Variants in FCF1 observed in about 807,000 individuals in gnomAD.
The protein encoded by FCF1 is rRNA-processing protein FCF1 homolog.
FCF1 carries 17 observed loss-of-function variants against 32.5 expected under a neutral mutation model. That is an observed-to-expected ratio of 0.52 (90% CI 0.36 to 0.78). The LOEUF is 0.78. Among genes scored for constraint, FCF1 ranks in the 30% least tolerant of loss-of-function variants. The pLI, the probability that FCF1 is intolerant of heterozygous loss-of-function variation, is 0.00. For synonymous variants in FCF1, 84 were observed against 78.4 expected (o/e 1.07, Z -0.38); for missense variants, 201 against 241.1 (o/e 0.83, Z 1.10).
At position 74,734,990 on chromosome 14, in the gene FCF1, A is replaced by G. The variant is rs2090688516; in HGVS notation, c.*60A>G. ...ACCAACTTTCTCTTGTTGCCAGTTC[A>G]TTACACAAAATGTAGCGGGATTTTT... is the stretch of plus-strand genomic sequence containing the variant. On this transcript the variant is annotated 3_prime_UTR_variant, in exon 8 of 8. Coordinates refer to ENST00000341162, the MANE Select transcript of FCF1 (RefSeq NM_015962.5). The G allele has an allele frequency of 2.2e-6, 3 of 1,362,438 alleles. No homozygotes were observed. Among genetic ancestry groups the G allele is most frequent in the South Asian group, 1.2e-5 (1 of 85,504 alleles). 84.4% of individuals were successfully genotyped at this position (1,362,438 alleles called of 1,614,324 possible).
chr14:74,713,249 T>G, intron 1 of FCF1, 49 bp downstream of exon 1: 1 of 1,614,152 alleles, frequency 6.2e-7, no homozygotes, highest in African/African-American at 1.3e-5. Context: ...ACTTTTTGGG[T>G]GGAGAAGGAG....
chr14:74,737,377 T>G lies in FCF1; in HGVS notation c.*2447T>G, dbSNP rs1212029770. Reference sequence around the variant, plus strand: ...CTCAAAAACAAACAAACAAAAAACCTATGTATTTGTGGGGATTTGGTATAT... The same window carrying G: ...CTCAAAAACAAACAAACAAAAAACCGATGTATTTGTGGGGATTTGGTATAT... On this transcript the variant is annotated 3_prime_UTR_variant, in exon 8 of 8. Transcript: ENST00000341162. The G allele has an allele frequency of 6.6e-6, 1 of 151,986 alleles. No homozygotes were observed. Among genetic ancestry groups the G allele is most frequent in the Admixed American group, 6.6e-5 (1 of 15,248 alleles). The allele number at this position is 151,986 out of a possible 1,614,324, so 9.4% of individuals were successfully genotyped here. A position where few individuals can be genotyped will look rare whatever the true frequency, so the allele number is the denominator to read the frequency against.
At chr14:74,734,048 T>C (rs1205692503) in intron 6 of FCF1, 28 bp from the exon 7 acceptor site, 2 of 1,493,328 alleles carry the variant, frequency 1.3e-6, no homozygotes, top group Non-Finnish European at 1.9e-6. Context: ...GTGACCTCAG[T>C]GTGAACATCA....
In FCF1 at chr14:74,734,166, C is replaced by T. The variant is rs775991975; in HGVS notation, c.544C>T (p.His182Tyr). 6.2e-7 allele frequency: 1 copy of T among 1,600,106 alleles called. No homozygotes were observed. The highest frequency in any genetic ancestry group is 1.1e-5 in the South Asian group (1 of 90,776). ...PGVPIMYISNHRYNIERMPDD... is the reference protein window; with the variant it reads ...PGVPIMYISNYRYNIERMPDD... ...AGTTCCTATCATGTACATTTCTAAC[C>T]ATAGGTGAGAAATTTCCCTTGGAGA... The change falls in exon 7 of 8, where the codon CAT becomes TAT. Residue 182 changes from histidine (H) to tyrosine (Y), a missense_variant. By Grantham distance (83) the His-to-Tyr change is moderately conservative. Coordinates refer to ENST00000341162, the MANE Select transcript of FCF1 (RefSeq NM_015962.5).
intron 5 of FCF1, among the ~76,000 whole-genome samples, chr14:74,724,830 A>C (rs1344856965): frequency 2.6e-5 from 4 of 152,122 alleles, no homozygotes; most frequent in Non-Finnish European, 4.4e-5. Context: ...GCTTGAGCCC[A>C]GGAGGCAGAG....
intron 4 of FCF1, among the ~76,000 whole-genome samples, chr14:74,720,223 A>G (rs2090482112): frequency 6.6e-6 from 1 of 152,246 alleles, no homozygotes; most frequent in Admixed American, 6.5e-5. Flanking sequence ...TATACAATTC[A>G]TCCCTTTAAA....
At chr14:74,732,519 A>C (rs568498440) in intron 5 of FCF1, among the ~76,000 whole-genome samples, 1 of 152,132 alleles carries the variant, frequency 6.6e-6, no homozygotes, top group Non-Finnish European at 1.5e-5. Flanking sequence ...ATATATAATA[A>C]CTCAAAGTTT....
At chr14:74,719,295 T>TAAA (rs1199789675) in intron 4 of FCF1, among the ~76,000 whole-genome samples, 3 of 141,704 alleles carry the variant, frequency 2.1e-5, no homozygotes, top group African/African-American at 5.6e-5. Flanking sequence ...ACCCTGTCTT[T>TAAA]AAAAAAAAAA....
At chr14:74,733,678 G>T (rs1194348955) in intron 6 of FCF1, among the ~76,000 whole-genome samples, 1 of 152,118 alleles carries the variant, frequency 6.6e-6, no homozygotes, top group Non-Finnish European at 1.5e-5. Flanking sequence ...CCAAGATCTA[G>T]GGAAAGGAGG....
intron 6 of FCF1, among the ~76,000 whole-genome samples, chr14:74,733,587 G>A (rs374923110): frequency 1.3e-5 from 2 of 152,052 alleles, no homozygotes; most frequent in African/African-American, 4.8e-5. Context: ...TCTAGTTTCA[G>A]GCCCTGAATA....
At chr14:74,727,356 AGTGATG>A (rs1298698101) in intron 5 of FCF1, among the ~76,000 whole-genome samples, 9 of 152,130 alleles carry the variant, frequency 5.9e-5, no homozygotes, top group Admixed American at 3.3e-4. Flanking sequence ...TCTGATGGCC[AGTGATG>A]GTGAGCATTT....
chr14:74,720,070 A>G (rs938255672), intron 4 of FCF1, among the ~76,000 whole-genome samples: 6 of 152,196 alleles, frequency 3.9e-5, no homozygotes, highest in African/African-American at 7.2e-5. Context: ...TGAACCCCAG[A>G]GGCAGAAATT....
chr14:74,735,032 T>C lies in FCF1; in HGVS notation c.*102T>C. ...GGGATTTTTAAGGAATCAGAGAGAC[T>C]GATGGAGTTCAGGGAGATATTTATT... On this transcript the variant is annotated 3_prime_UTR_variant, in exon 8 of 8. Coordinates refer to ENST00000341162, the MANE Select transcript of FCF1 (RefSeq NM_015962.5). The C allele has an allele frequency of 1.1e-6, 1 of 946,200 alleles. No homozygotes were observed. Among genetic ancestry groups the C allele is most frequent in the Non-Finnish European group, 1.7e-6 (1 of 578,650 alleles). 58.6% of individuals were successfully genotyped at this position (946,200 alleles called of 1,614,324 possible).
In FCF1 at chr14:74,716,099, TGTGA is replaced by T; in HGVS notation, c.292+3_292+6del. ...AATGATGGACTGTCTGTATGCCAAG[TGTGA>T]GTATCATACTTTTATGTTTCCGTGA... On this transcript the variant is annotated splice_donor_variant and splice_donor_region_variant and intron_variant, in intron 4 of 7. Coordinates refer to ENST00000341162, the MANE Select transcript of FCF1 (RefSeq NM_015962.5). LOFTEE classifies it high-confidence loss of function. 1 of 1,613,290 alleles carries T rather than the reference TGTGA, an allele frequency of 6.2e-7. No homozygotes were observed.
At chr14:74,725,890 C>T (rs180819915) in intron 5 of FCF1, among the ~76,000 whole-genome samples, 1,684 of 150,590 alleles carry the variant, frequency 0.011, 32 homozygotes, top group African/African-American at 0.038. Flanking sequence ...GAGCCGAGAT[C>T]GCGCCACTGC....
chr14:74,721,126 C>A (rs1363402959), intron 4 of FCF1, among the ~76,000 whole-genome samples: 1 of 151,096 alleles, frequency 6.6e-6, no homozygotes, highest in Non-Finnish European at 1.5e-5. Flanking sequence ...CTCACTGCAA[C>A]CTCTGCCTCC....
At chr14:74,723,743 G>T (rs1245540725) in intron 5 of FCF1, among the ~76,000 whole-genome samples, 1 of 150,572 alleles carries the variant, frequency 6.6e-6, no homozygotes, top group Non-Finnish European at 1.5e-5. Flanking sequence ...CAGGAGAATC[G>T]CTTGAACCTA....
chr14:74,732,535 T>C (rs1240814030), intron 5 of FCF1, among the ~76,000 whole-genome samples, 196 bp from the exon 6 acceptor site: 1 of 152,232 alleles, frequency 6.6e-6, no homozygotes, highest in Non-Finnish European at 1.5e-5. Context: ...AGTTTTGTAA[T>C]GATTAAATGA....
chr14:74,726,455 G>A (rs1366664946), intron 5 of FCF1, among the ~76,000 whole-genome samples: 4 of 152,020 alleles, frequency 2.6e-5, no homozygotes, highest in Non-Finnish European at 5.9e-5. Flanking sequence ...CTGGGAGACA[G>A]CGAGACCCTG....
Sources: allele counts gnomAD v4.1 joint callset (sites outside exome capture counted in the v4.1 genomes callset), GRCh38; gene constraint gnomAD v4.1.1; transcripts MANE v1.5; gene names NCBI Gene and HGNC (gene_info 2026-07-23, HGNC 2026-07-21).